Variants in PTPRJ observed in about 807,000 individuals in gnomAD.
PTPRJ encodes protein tyrosine phosphatase receptor type J.
Under a neutral mutation model 141.3 loss-of-function variants are expected in PTPRJ, and 129 were observed. The observed-to-expected ratio is 0.91, with a 90% confidence interval of 0.79 to 1.06. The LOEUF (loss-of-function observed/expected upper bound fraction) is 1.06. Ranked by LOEUF, PTPRJ falls within the 50% of genes least tolerant of loss-of-function variation. The pLI is 0.00. For missense variants in PTPRJ, 1,601 were observed against 1,679.7 expected (o/e 0.95, Z 0.82); for synonymous variants, 610 against 640.5 (o/e 0.95, Z 0.72).
chr11:48,111,352 GAA>G (rs10561690), intron 2 of PTPRJ, among the ~76,000 whole-genome samples: 94,863 of 141,096 alleles, frequency 0.67, 33,237 homozygotes, highest in East Asian at 0.81. Context: ...TACCTTTTAG[GAA>G]AAAAAAAAAA....
At chr11:48,053,418 A>T in intron 1 of PTPRJ, among the ~76,000 whole-genome samples, 1 of 102,158 alleles carries the variant, frequency 9.8e-6, no homozygotes, top group South Asian at 2.3e-4. Flanking sequence ...ATATATAAAT[A>T]TATATGTATA....
intron 1 of PTPRJ, among the ~76,000 whole-genome samples, chr11:48,046,861 T>C (rs1854411851): frequency 6.7e-6 from 1 of 148,848 alleles, no homozygotes; most frequent in South Asian, 2.1e-4. Flanking sequence ...TGTCCTTCTA[T>C]GCTGCCTTTC....
intron 1 of PTPRJ, among the ~76,000 whole-genome samples, chr11:47,987,011 T>G (rs1229253357): frequency 6.6e-6 from 1 of 151,806 alleles, no homozygotes; most frequent in Non-Finnish European, 1.5e-5. Flanking sequence ...AGCCCAGGAG[T>G]TTGAGACCAG....
intron 4 of PTPRJ, among the ~76,000 whole-genome samples, chr11:48,122,084 G>A (rs988730396): frequency 6.6e-6 from 1 of 152,090 alleles, no homozygotes. Flanking sequence ...TTGCCCAGGA[G>A]CCCAAAAAGT....
chr11:47,980,660 C>T lies in PTPRJ; in HGVS notation c.-253C>T. On this transcript the variant is annotated 5_prime_UTR_variant, in exon 1 of 25. Coordinates refer to ENST00000418331, the MANE Select transcript of PTPRJ (RefSeq NM_002843.4). ...GGTGGGCGCCGCTCGCTCCGCCCCGCGAAGCCCCTGCGCGCTCAGGGACGC... is the reference window on the plus strand; with the variant it reads ...GGTGGGCGCCGCTCGCTCCGCCCCGTGAAGCCCCTGCGCGCTCAGGGACGC... 1 of 985,894 alleles carries T rather than the reference C, an allele frequency of 1.0e-6. No homozygotes were observed. Among genetic ancestry groups the T allele is most frequent in the South Asian group, 4.7e-5 (1 of 21,324 alleles). The allele number at this position is 985,894 out of a possible 1,614,324, so 61.1% of individuals were successfully genotyped here.
chr11:48,017,588 T>G (rs1565259538), intron 1 of PTPRJ, among the ~76,000 whole-genome samples: 2 of 152,180 alleles, frequency 1.3e-5, no homozygotes, highest in Non-Finnish European at 2.9e-5. Flanking sequence ...ATGTCCCACC[T>G]GAGAGTAGTA....
At position 48,159,978 on chromosome 11, in the gene PTPRJ, GACATA is replaced by G. The variant is rs1405891567; in HGVS notation, c.3490_3494del (p.Ile1164CysfsTer26). ...CTCCAAGCAGGCTCAGGACTATGGAGACATAACTGTGGCAATGACATCAGAAATTG... is the reference window on the plus strand; with the variant it reads ...CTCCAAGCAGGCTCAGGACTATGGAGACTGTGGCAATGACATCAGAAATTG... On this transcript the variant is annotated frameshift_variant, in exon 22 of 25. Transcript: ENST00000418331. LOFTEE classifies it high-confidence loss of function. The G allele has an allele frequency of 6.2e-7, 1 of 1,613,958 alleles. No homozygotes were observed. Among genetic ancestry groups the G allele is most frequent in the Non-Finnish European group, 8.5e-7 (1 of 1,179,888 alleles).
chr11:48,063,962 T>C (rs1855009207), intron 1 of PTPRJ, among the ~76,000 whole-genome samples: 1 of 151,882 alleles, frequency 6.6e-6, no homozygotes, highest in Non-Finnish European at 1.5e-5. Context: ...AAAGAGCTCA[T>C]ATTTTGGCTT....
intron 11 of PTPRJ, among the ~76,000 whole-genome samples, chr11:48,140,385 T>C (rs1857202892): frequency 6.6e-6 from 1 of 152,132 alleles, no homozygotes; most frequent in South Asian, 2.1e-4. Context: ...AGGGATACTA[T>C]GGTGAGTAGG....
At chr11:48,099,321 C>G (rs1241482288) in intron 1 of PTPRJ, among the ~76,000 whole-genome samples, 1 of 152,194 alleles carries the variant, frequency 6.6e-6, no homozygotes, top group Non-Finnish European at 1.5e-5. Context: ...AAAACAAAAT[C>G]TACAAAGAAT....
chr11:48,159,098 G>GGGTGTGTGTGTC (rs397754076), intron 21 of PTPRJ, among the ~76,000 whole-genome samples: 3 of 128,054 alleles, frequency 2.3e-5, no homozygotes, highest in African/African-American at 9.5e-5. Context: ...TGTATGTGGG[G>GGGTGTGTGTGTC]TGTGTGTGTG....
intron 1 of PTPRJ, among the ~76,000 whole-genome samples, chr11:48,058,278 T>G (rs1854814861): frequency 6.6e-6 from 1 of 152,036 alleles, no homozygotes; most frequent in Non-Finnish European, 1.5e-5. Flanking sequence ...TGATCATAGC[T>G]CACTGCACCT....
At chr11:48,099,877 A>G (rs1856109357) in intron 1 of PTPRJ, among the ~76,000 whole-genome samples, 1 of 152,122 alleles carries the variant, frequency 6.6e-6, no homozygotes, top group African/African-American at 2.4e-5. Flanking sequence ...TGCTGTCTGG[A>G]TTGAAGTTGA....
chr11:48,139,604 A>G lies in PTPRJ; in HGVS notation c.2271A>G (p.Gly757=), dbSNP rs775385765. Residue 757 remains glycine, a synonymous_variant, in exon 11 of 25, where the codon GGA becomes GGG. Transcript: ENST00000418331. ...NAGFELEVSS[G]AWNNATHLES... is the part of the protein sequence containing the mutation. ...GCTTTGAGCTGGAGGTCAGCAGTGG[A>G]GCCTGGAACAATGCGACCCACCTGG... The G allele has an allele frequency of 6.2e-7, 1 of 1,614,226 alleles. No individual in the cohort carries two copies.
At position 48,115,077 on chromosome 11, in the gene PTPRJ, C is replaced by T. The variant is rs145256411; in HGVS notation, c.352+2094C>T. 1.4e-4 allele frequency among the ~76,000 whole-genome samples: 21 copies of T among 152,076 alleles called. No individual in the cohort carries two copies. In the East Asian group the frequency reaches 3.5e-3, roughly 25 times the overall value. On this transcript the variant is annotated intron_variant, in intron 3 of 24. Transcript: ENST00000418331. ...GGATTTATGCAACAGCATCAAAAGA[C>T]GTGGTATTTGAATTGGAGTTCATCT...
At chr11:48,082,619 ATT>A (rs1251891205) in intron 1 of PTPRJ, among the ~76,000 whole-genome samples, 1 of 120,100 alleles carries the variant, frequency 8.3e-6, no homozygotes. Flanking sequence ...TGATATTGCT[ATT>A]TTTTTTTTTT....
At chr11:48,049,233 C>A (rs2134244882) in intron 1 of PTPRJ, among the ~76,000 whole-genome samples, 1 of 152,192 alleles carries the variant, frequency 6.6e-6, no homozygotes, top group East Asian at 1.9e-4. Context: ...CCCAACTCTG[C>A]CCAGTTGTGA....
At chr11:48,014,065 A>T (rs956425803) in intron 1 of PTPRJ, among the ~76,000 whole-genome samples, 6 of 152,144 alleles carry the variant, frequency 3.9e-5, no homozygotes, top group African/African-American at 1.4e-4. Flanking sequence ...TTCCAGAGTT[A>T]GTAGGTGGTG....
At position 48,130,709 on chromosome 11, in the gene PTPRJ, T is replaced by C. The variant is rs1269341956; in HGVS notation, c.1608T>C (p.Asn536=). Residue 536 remains asparagine (N), a synonymous_variant, in exon 8 of 25, where the codon AAT becomes AAC. Transcript: ENST00000418331. Reference sequence around the variant, plus strand: ...AAGGGGCATCTCGGACAGTTTGCAATAGAACTGGTAAGCAAATAGGCTTTT... The same window carrying C: ...AAGGGGCATCTCGGACAGTTTGCAACAGAACTGGTAAGCAAATAGGCTTTT... ...GTEGASRTVC[N]RTVPSAVFDI... 1.2e-6 allele frequency: 2 copies of C among 1,605,634 alleles called. No individual in the cohort carries two copies. Among genetic ancestry groups the C allele is most frequent in the East Asian group, 2.2e-5 (1 of 44,564 alleles).
Sources: gnomAD v4.1 joint callset for allele counts (sites outside exome capture counted in the v4.1 genomes callset) on GRCh38, gnomAD v4.1.1 for gene constraint, MANE v1.5 for transcripts, NCBI Gene and HGNC (gene_info 2026-07-23, HGNC 2026-07-21) for gene names.